Variants in MAGI1 observed in about 807,000 individuals in gnomAD.
The protein encoded by MAGI1 is membrane-associated guanylate kinase, WW and PDZ domain-containing protein 1.
Under a neutral mutation model 139.9 loss-of-function variants are expected in MAGI1, and 58 were observed. That is an observed-to-expected ratio of 0.41 (90% confidence interval 0.34 to 0.52). The LOEUF is 0.52. Among genes scored for constraint, MAGI1 ranks in the 20% least tolerant of loss-of-function variants. MAGI1 has a pLI of 0.12. For missense variants in MAGI1, 1,874 were observed against 1,901.6 expected (o/e 0.99, Z 0.27); for synonymous variants, 812 against 737.9 (o/e 1.10, Z -1.63).
At chr3:65,924,356 G>A (rs2062387782) in intron 1 of MAGI1, among the ~76,000 whole-genome samples, 2 of 152,182 alleles carry the variant, frequency 1.3e-5, no homozygotes, top group South Asian at 2.1e-4. Context: ...CAGTGGGATT[G>A]CATCTCCCTC....
chr3:65,976,172 C>T (rs1436974162), intron 1 of MAGI1, among the ~76,000 whole-genome samples: 2 of 152,170 alleles, frequency 1.3e-5, no homozygotes, highest in East Asian at 1.9e-4. Context: ...CCCTAGACAA[C>T]CCCTATGTGA....
At chr3:65,470,560 A>T in intron 4 of MAGI1, 76 bp from the exon 5 acceptor site, 1 of 912,432 alleles carries the variant, frequency 1.1e-6, no homozygotes, top group Non-Finnish European at 1.7e-6. Context: ...CATACCCCAT[A>T]CCCGGGAAGT....
At chr3:65,590,891 T>G (rs1297080836) in intron 2 of MAGI1, among the ~76,000 whole-genome samples, 1 of 152,210 alleles carries the variant, frequency 6.6e-6, no homozygotes, top group Non-Finnish European at 1.5e-5. Flanking sequence ...AACAAGAGAA[T>G]GAACACGCTT....
chr3:65,724,467 G>A (rs1008984109), intron 1 of MAGI1, among the ~76,000 whole-genome samples: 7 of 152,150 alleles, frequency 4.6e-5, no homozygotes, highest in African/African-American at 1.4e-4. Context: ...TGGATACCTG[G>A]ATCAGATAAA....
At chr3:65,472,256 C>T (rs1435141243) in intron 4 of MAGI1, among the ~76,000 whole-genome samples, 1 of 152,042 alleles carries the variant, frequency 6.6e-6, no homozygotes, top group East Asian at 1.9e-4. Context: ...CTCTAGAAGC[C>T]AACAAAGATT....
intron 1 of MAGI1, among the ~76,000 whole-genome samples, chr3:65,758,403 A>G (rs918885871): frequency 1.3e-5 from 2 of 152,186 alleles, no homozygotes; most frequent in Non-Finnish European, 2.9e-5. Flanking sequence ...CTTTTCTTTT[A>G]ATCACTTGGA....
intron 1 of MAGI1, among the ~76,000 whole-genome samples, chr3:65,975,733 T>C (rs2065235512): frequency 6.6e-6 from 1 of 152,204 alleles, no homozygotes; most frequent in Admixed American, 6.5e-5. Flanking sequence ...AGTTTTTCCT[T>C]TGCAATGAAA....
At chr3:65,620,547 T>C (rs189445759) in intron 2 of MAGI1, among the ~76,000 whole-genome samples, 3 of 152,150 alleles carry the variant, frequency 2.0e-5, no homozygotes, top group East Asian at 3.9e-4. Context: ...TTTGTAAAAA[T>C]AGAATGATAA....
intron 1 of MAGI1, among the ~76,000 whole-genome samples, chr3:65,999,142 T>C (rs966827906): frequency 2.0e-5 from 3 of 152,146 alleles, no homozygotes; most frequent in South Asian, 4.1e-4. Context: ...ACATGTGCCA[T>C]GGTGGTTTGC....
chr3:65,736,193 T>C (rs565602522), intron 1 of MAGI1, among the ~76,000 whole-genome samples: 11 of 152,324 alleles, frequency 7.2e-5, no homozygotes, highest in Admixed American at 5.9e-4. Flanking sequence ...AAGAGCACTT[T>C]GATTTCTATC....
chr3:66,008,702 T>C (rs1434729819), intron 1 of MAGI1: 2 of 151,842 alleles, frequency 1.3e-5, no homozygotes, highest in Admixed American at 6.6e-5. Context: ...AGGAAGAGTA[T>C]GGGGGGGCAG....
intron 1 of MAGI1, among the ~76,000 whole-genome samples, chr3:65,867,912 C>T (rs531409096): frequency 6.6e-6 from 1 of 152,260 alleles, no homozygotes; most frequent in South Asian, 2.1e-4. Context: ...GGCGTCAGGT[C>T]TGAGGAGGAT....
At chr3:65,966,930 GTTGTT>G (rs1411420061) in intron 1 of MAGI1, among the ~76,000 whole-genome samples, 1 of 152,124 alleles carries the variant, frequency 6.6e-6, no homozygotes, top group East Asian at 1.9e-4. Context: ...GACAGTAACC[GTTGTT>G]TTAAGTGTCG....
At chr3:65,734,531 G>C (rs1178414275) in intron 1 of MAGI1, among the ~76,000 whole-genome samples, 1 of 145,548 alleles carries the variant, frequency 6.9e-6, no homozygotes, top group Non-Finnish European at 1.5e-5. Context: ...GAGAAAGAGA[G>C]AGGGGGAGAG....
At chr3:65,434,747 T>A (rs564764933) in intron 10 of MAGI1, among the ~76,000 whole-genome samples, 10 of 152,204 alleles carry the variant, frequency 6.6e-5, no homozygotes, top group Non-Finnish European at 1.3e-4. Flanking sequence ...GGATTTTAAC[T>A]GGTTTCTTTG....
At chr3:65,769,326 G>A (rs938321389) in intron 1 of MAGI1, among the ~76,000 whole-genome samples, 1 of 151,896 alleles carries the variant, frequency 6.6e-6, no homozygotes, top group African/African-American at 2.4e-5. Context: ...ACTTCCTACT[G>A]AAAGTTCATA....
chr3:65,507,192 T>C (rs964159573), intron 2 of MAGI1, among the ~76,000 whole-genome samples: 61 of 152,216 alleles, frequency 4.0e-4, no homozygotes, highest in African/African-American at 1.4e-3. Context: ...ACTGGGGCAG[T>C]AAAATTTCTA....
intron 1 of MAGI1, among the ~76,000 whole-genome samples, chr3:65,926,201 A>T (rs894676954): frequency 2.0e-5 from 3 of 152,220 alleles, no homozygotes. Flanking sequence ...ATTTTATTAC[A>T]TTATTGTGTG....
chr3:65,985,180 G>A (rs1032831427), intron 1 of MAGI1, among the ~76,000 whole-genome samples: 3 of 152,220 alleles, frequency 2.0e-5, no homozygotes, highest in Non-Finnish European at 2.9e-5. Flanking sequence ...GAAACATACT[G>A]AATATTATTG....
Sources: gnomAD v4.1 joint callset for allele counts (sites outside exome capture counted in the v4.1 genomes callset) on GRCh38, gnomAD v4.1.1 for gene constraint, MANE v1.5 for transcripts, NCBI Gene and HGNC (gene_info 2026-07-23, HGNC 2026-07-21) for gene names.